ASH1L: variants seen among roughly 807,000 people sequenced by gnomAD.
The protein encoded by ASH1L is histone-lysine N-methyltransferase ASH1L.
In ASH1L, 23 loss-of-function variants were observed where a neutral mutation model predicts 269.0. That is an observed-to-expected ratio of 0.09 (90% CI 0.06 to 0.12). The LOEUF (loss-of-function observed/expected upper bound fraction) is 0.12, where lower values mean the gene tolerates loss of function less well. ASH1L is among the 10% of genes least tolerant of loss of function. The probability of loss-of-function intolerance (pLI) is 1.00; values close to 1 mark genes in which losing one functional copy is unlikely to be tolerated. For missense variants in ASH1L, 2,912 were observed against 3,567.8 expected (o/e 0.82, Z 4.68); for synonymous variants, 1,187 against 1,253.5 (o/e 0.95, Z 1.12).
At position 155,479,859 on chromosome 1, in the gene ASH1L, C is replaced by T. The variant is rs2148724879; in HGVS notation, c.3011G>A (p.Ser1004Asn). The T allele has an allele frequency of 1.2e-6, 2 of 1,613,502 alleles. No individual in the cohort carries two copies. Among genetic ancestry groups the T allele is most frequent in the Admixed American group, 1.7e-5 (1 of 59,898 alleles). ...CCCTTTATTACTTGATTCTACAGAA[C>T]TTGAAAGAATCTGATTCAACAGTTT... is the stretch of plus-strand genomic sequence containing the variant. ...RKKLLNQILS[S>N]SVESSNKGKV... The change falls in exon 3 of 28, where the codon AGT (serine) becomes AAT (asparagine). Residue 1004 changes from serine (S) to asparagine (N), a missense_variant. Ser to Asn is a conservative substitution (Grantham distance 46). Around this residue, in one of 13 missense-constraint regions of ASH1L, gnomAD observed 715 missense variants for 721.0 expected, o/e 0.99. Transcript: ENST00000392403.
intron 1 of ASH1L, among the ~76,000 whole-genome samples, chr1:155,532,960 T>TATGG (rs1354486846): frequency 1.7e-5 from 1 of 58,432 alleles, no homozygotes; most frequent in East Asian, 4.6e-4. Context: ...TATATATATA[T>TATGG]GGGGGGAGAG....
intron 4 of ASH1L, among the ~76,000 whole-genome samples, chr1:155,448,164 G>T (rs577475667): frequency 6.6e-6 from 1 of 152,194 alleles, no homozygotes; most frequent in African/African-American, 2.4e-5. Context: ...GTAGGTGTGT[G>T]GATTTGTTTC....
rs1009371750 is a variant in ASH1L, at chr1:155,356,658, A to C, written c.7055+658T>G. The stretch of plus-strand genomic sequence containing the variant: ...ACTCCGTCTCAAAAAAAAAAAAAAA[A>C]CAACAAAAAACCAAGGTCTTTCCAT... On this transcript the variant is annotated intron_variant, in intron 15 of 27. Coordinates refer to ENST00000392403, the MANE Select transcript of ASH1L (RefSeq NM_018489.3). Among the ~76,000 whole-genome samples the C allele has an allele frequency of 2.6e-5, 4 of 151,504 alleles. No homozygotes were observed. The East Asian group carries it at 7.8e-4, about 29-fold the overall frequency.
At chr1:155,463,834 T>C (rs886815976) in intron 3 of ASH1L, among the ~76,000 whole-genome samples, 3 of 152,028 alleles carry the variant, frequency 2.0e-5, no homozygotes, top group Admixed American at 2.0e-4. Context: ...AGCAGTGAGT[T>C]ATACCCAGTA....
intron 2 of ASH1L, among the ~76,000 whole-genome samples, chr1:155,490,208 C>T (rs1401256536): frequency 6.6e-6 from 1 of 151,964 alleles, no homozygotes; most frequent in Non-Finnish European, 1.5e-5. Flanking sequence ...TTGTGATCTG[C>T]CCACCTCGGC....
At chr1:155,458,557 A>T (rs960920449) in intron 4 of ASH1L, among the ~76,000 whole-genome samples, 5 of 152,210 alleles carry the variant, frequency 3.3e-5, no homozygotes, top group African/African-American at 1.2e-4. Context: ...TCTACTAAAA[A>T]TACAAAAATA....
At chr1:155,452,661 TCTC>T (rs1339289517) in intron 4 of ASH1L, among the ~76,000 whole-genome samples, 1 of 151,880 alleles carries the variant, frequency 6.6e-6, no homozygotes, top group Non-Finnish European at 1.5e-5. Flanking sequence ...TTCAAGCAAT[TCTC>T]CTGCCTCAGC....
At position 155,411,774 on chromosome 1, in the gene ASH1L, C is replaced by A. The variant is rs1216709133; in HGVS notation, c.6008+3970G>T. On this transcript the variant is annotated intron_variant, in intron 6 of 27. Coordinates refer to ENST00000392403, the MANE Select transcript of ASH1L (RefSeq NM_018489.3). ...CCTAAGGCAGGACTCTAATCTGATT[C>A]TGGGCCAAGAAAACCCTCACTCCAG... Among the ~76,000 whole-genome samples the A allele has an allele frequency of 3.3e-5, 5 of 150,276 alleles. No homozygotes were observed. The East Asian group carries it at 1.0e-3, about 30-fold the overall frequency.
intron 1 of ASH1L, among the ~76,000 whole-genome samples, chr1:155,561,881 C>G (rs1671994468): frequency 6.6e-6 from 1 of 150,908 alleles, no homozygotes; most frequent in South Asian, 2.1e-4. Context: ...CAAACACAAA[C>G]TAACCTGTCA....
At chr1:155,421,481 G>A (rs1404731035) in intron 5 of ASH1L, among the ~76,000 whole-genome samples, 2 of 151,598 alleles carry the variant, frequency 1.3e-5, no homozygotes, top group African/African-American at 4.8e-5. Flanking sequence ...GACCATCCTG[G>A]CTAACACGGT....
intron 21 of ASH1L, among the ~76,000 whole-genome samples, chr1:155,345,142 A>G (rs1210266990): frequency 6.9e-6 from 1 of 144,214 alleles, no homozygotes; most frequent in Non-Finnish European, 1.5e-5. Flanking sequence ...TTTTTAGTAG[A>G]GACGGGGTTT....
intron 1 of ASH1L, among the ~76,000 whole-genome samples, chr1:155,544,399 G>A (rs1670651245): frequency 6.6e-6 from 1 of 151,200 alleles, no homozygotes; most frequent in Non-Finnish European, 1.5e-5. Flanking sequence ...CCATTCTCCT[G>A]CCTCAGCCTC....
chr1:155,481,307 C>T lies in ASH1L; in HGVS notation c.1563G>A (p.Lys521=). Reference sequence around the variant, plus strand: ...GAGAAGTGCAATATACAGGAGGCTGCTTTTCATGCTTTGAGGTTTCATAAG... The same window carrying T: ...GAGAAGTGCAATATACAGGAGGCTGTTTTTCATGCTTTGAGGTTTCATAAG... ...KGSYETSKHE[K]QPPVYCTSPD... The change falls in exon 3 of 28, where the codon AAG becomes AAA. Residue 521 remains lysine, a synonymous_variant. Transcript: ENST00000392403. 1.2e-6 allele frequency: 2 copies of T among 1,614,152 alleles called. No individual in the cohort carries two copies. Among genetic ancestry groups the T allele is most frequent in the East Asian group, 2.2e-5 (1 of 44,884 alleles).
At chr1:155,344,966 GT>G (rs944875184) in intron 21 of ASH1L, among the ~76,000 whole-genome samples, 5 of 150,222 alleles carry the variant, frequency 3.3e-5, no homozygotes, top group Non-Finnish European at 7.4e-5. Context: ...CCTCAGTTTT[GT>G]TTTTTTTTGA....
At chr1:155,519,645 G>A (rs1668738272) in intron 2 of ASH1L, among the ~76,000 whole-genome samples, 1 of 151,992 alleles carries the variant, frequency 6.6e-6, no homozygotes, top group Admixed American at 6.6e-5. Context: ...ATTTATAGTT[G>A]CTAAAAGTAC....
chr1:155,374,432 C>G (rs372928136), intron 10 of ASH1L, among the ~76,000 whole-genome samples: 2 of 152,114 alleles, frequency 1.3e-5, no homozygotes, highest in Non-Finnish European at 2.9e-5. Flanking sequence ...AATACCACCA[C>G]GATTCTAAAG....
chr1:155,362,544 T>C (rs1033908593), intron 12 of ASH1L, among the ~76,000 whole-genome samples: 8 of 152,034 alleles, frequency 5.3e-5, no homozygotes, highest in Admixed American at 3.3e-4. Context: ...ATACTACAAA[T>C]AAGGCAACTG....
In ASH1L at chr1:155,343,752, C is replaced by T. The variant is rs1570945303; in HGVS notation, c.7982-10G>A. ...AGATACACACAGTCACCTAGGAAGA[C>T]CCAGAACACAGAAGAAACATAAAAC... On this transcript the variant is annotated splice_polypyrimidine_tract_variant and intron_variant, in intron 22 of 27. Coordinates refer to ENST00000392403, the MANE Select transcript of ASH1L (RefSeq NM_018489.3). This position sits in a 1 kb window ranked among gnomAD's most constrained non-coding sequence, Gnocchi z 6.1. 1 of 1,610,386 alleles carries T rather than the reference C, an allele frequency of 6.2e-7. No homozygotes were observed. Among genetic ancestry groups the T allele is most frequent in the Non-Finnish European group, 8.5e-7 (1 of 1,178,950 alleles).
Position 155,360,332 on chromosome 1 carries a change from T to C in ASH1L, c.6764A>G (p.Tyr2255Cys). Residue 2255 changes from tyrosine to cysteine, a missense_variant, in exon 13 of 28, where the codon TAT (tyrosine) becomes TGT (cysteine). Tyr to Cys is a radical substitution (Grantham distance 194). Around this residue, in one of 13 missense-constraint regions of ASH1L, gnomAD observed 309 missense variants for 435.1 expected, o/e 0.71. Transcript: ENST00000392403. ...MPAGTELTYD[Y>C]NFHSFNVEKQ... ...TTCCACATTGAAGGAATGAAAGTTA[T>C]AATCATAAGTGAGTTCAGTCCCAGC... The C allele has an allele frequency of 6.2e-7, 1 of 1,613,428 alleles. No individual in the cohort carries two copies. Among genetic ancestry groups the C allele is most frequent in the Non-Finnish European group, 8.5e-7 (1 of 1,179,364 alleles).
Sources: gnomAD v4.1 joint callset for allele counts (sites outside exome capture counted in the v4.1 genomes callset) on GRCh38, gnomAD v4.1.1 for gene constraint, gnomAD v4.1.1 regional missense constraint, Gnocchi (gnomAD v3.1) non-coding constraint, MANE v1.5 for transcripts, NCBI Gene and HGNC (gene_info 2026-07-23, HGNC 2026-07-21) for gene names.